Variants in SCN8A observed in about 807,000 individuals in gnomAD.
SCN8A encodes the protein sodium voltage-gated channel alpha subunit 8.
In SCN8A, 30 loss-of-function variants were observed where a neutral mutation model predicts 184.1. That is an observed-to-expected ratio of 0.16 (90% CI 0.12 to 0.22). SCN8A has a LOEUF of 0.22. SCN8A is among the 10% of genes least tolerant of loss of function. The pLI is 1.00. For missense variants in SCN8A, 1,057 were observed against 2,498.9 expected (o/e 0.42, Z 12.30); for synonymous variants, 852 against 907.0 (o/e 0.94, Z 1.09).
At chr12:51,620,573 A>G (rs1200420829) in intron 1 of SCN8A, among the ~76,000 whole-genome samples, 2 of 152,138 alleles carry the variant, frequency 1.3e-5, no homozygotes, top group African/African-American at 4.8e-5. Context: ...AGAAAGAAAA[A>G]CAGCTAACTT....
chr12:51,657,021 GAATTGAAAATAGGTACTAA>G (rs1163424984), intron 1 of SCN8A, among the ~76,000 whole-genome samples: 2 of 152,016 alleles, frequency 1.3e-5, no homozygotes, highest in Non-Finnish European at 2.9e-5. Context: ...AGACTCAAAG[GAATTGAAAATAGGTACTAA>G]AATAAGTACA....
Position 51,808,601 on chromosome 12 carries a change from T to A in SCN8A, c.*1172T>A, listed in dbSNP as rs1938790705. The A allele has an allele frequency of 6.6e-6, 1 of 152,316 alleles. No individual in the cohort carries two copies. The highest frequency in any genetic ancestry group is 2.4e-5 in the African/African-American group (1 of 41,458). The allele number at this position is 152,316 out of a possible 1,614,324, so 9.4% of individuals were successfully genotyped here. A position where few individuals can be genotyped will look rare whatever the true frequency, so the allele number is the denominator to read the frequency against. ...AATTGACACTTATTTGGGGTAGAGA[T>A]AAAAGTGCTTTTCAAAGTAGCACCA... is the stretch of plus-strand genomic sequence containing the variant. On this transcript the variant is annotated 3_prime_UTR_variant, in exon 27 of 27. Coordinates refer to ENST00000627620, the MANE Select transcript of SCN8A (RefSeq NM_001330260.2).
chr12:51,771,178 C>A (rs1161500259), intron 19 of SCN8A, among the ~76,000 whole-genome samples: 1 of 152,208 alleles, frequency 6.6e-6, no homozygotes, highest in Admixed American at 6.5e-5. Flanking sequence ...AGGCCCTGAA[C>A]ACACAGGCTC....
At chr12:51,615,529 G>A (rs921270426) in intron 1 of SCN8A, among the ~76,000 whole-genome samples, 1 of 152,096 alleles carries the variant, frequency 6.6e-6, no homozygotes, top group Non-Finnish European at 1.5e-5. Context: ...TTCCAGCTAC[G>A]GCAGCAGGGT....
chr12:51,734,284 A>G (rs1354501696), intron 12 of SCN8A, among the ~76,000 whole-genome samples: 4 of 152,222 alleles, frequency 2.6e-5, no homozygotes, highest in African/African-American at 9.6e-5. Context: ...AGAGGTGTGA[A>G]GTGGGAAATC....
chr12:51,661,958 C>T (rs1429765299), intron 1 of SCN8A, among the ~76,000 whole-genome samples: 3 of 152,234 alleles, frequency 2.0e-5, no homozygotes, highest in African/African-American at 2.4e-5. Flanking sequence ...ACTGTTCTCA[C>T]GTCTCCGTCC....
chr12:51,675,107 T>C (rs1042435040), intron 2 of SCN8A, among the ~76,000 whole-genome samples: 1 of 152,188 alleles, frequency 6.6e-6, no homozygotes, highest in Non-Finnish European at 1.5e-5. Context: ...CTGTGCACTT[T>C]AAGAGGTTAA....
At chr12:51,745,760 A>G in intron 12 of SCN8A, 143 bp from the exon 13 acceptor site, 1 of 530,740 alleles carries the variant, frequency 1.9e-6, no homozygotes, top group Non-Finnish European at 3.0e-6. Flanking sequence ...ATTTCATTCT[A>G]CTTCTTGAAG....
chr12:51,754,280 T>G (rs1942638860), intron 14 of SCN8A, among the ~76,000 whole-genome samples: 1 of 152,018 alleles, frequency 6.6e-6, no homozygotes, highest in Admixed American at 6.6e-5. Context: ...TTTTAAACAT[T>G]CTGAATCTTA....
In SCN8A at chr12:51,705,617, G is replaced by A. The variant is rs576113589; in HGVS notation, c.1335G>A (p.Glu445=). The change falls in exon 10 of 27, where the codon GAG becomes GAA. Residue 445 remains glutamate (E), a synonymous_variant. Coordinates refer to ENST00000627620, the MANE Select transcript of SCN8A (RefSeq NM_001330260.2). ...MLEQLKKQQE[E]AQAAAMATSA... ...AGCAACTTAAGAAGCAACAGGAAGAGGCACAGGTTGGTGATGAATTCTTTG... is the reference window on the plus strand; with the variant it reads ...AGCAACTTAAGAAGCAACAGGAAGAAGCACAGGTTGGTGATGAATTCTTTG... The A allele has an allele frequency of 3.2e-5, 52 of 1,612,406 alleles. No homozygotes were observed. The highest frequency in any genetic ancestry group is 1.3e-4 in the African/African-American group (10 of 75,036).
At position 51,770,696 on chromosome 12, in the gene SCN8A, G is replaced by A; in HGVS notation, c.3645+13G>A. 3 of 1,613,206 alleles carry A rather than the reference G, an allele frequency of 1.9e-6. No homozygotes were observed. Among genetic ancestry groups the A allele is most frequent in the Middle Eastern group, 1.7e-4 (1 of 6,058 alleles). On this transcript the variant is annotated intron_variant, in intron 19 of 26. Coordinates refer to ENST00000627620, the MANE Select transcript of SCN8A (RefSeq NM_001330260.2). ...CAGTGGCGCCCTGGTGAGGTCCAGG[G>A]GAGAGTGTGAGGAGGGATTGGCTGG...
chr12:51,634,361 A>G (rs1940266612), intron 1 of SCN8A, among the ~76,000 whole-genome samples: 1 of 152,318 alleles, frequency 6.6e-6, no homozygotes, highest in East Asian at 1.9e-4. Context: ...GAGGAATTGT[A>G]TGGAAAAGAA....
Position 51,784,725 on chromosome 12 carries a change from A to G in SCN8A, c.3943-1817A>G, listed in dbSNP as rs1053163114. Among the ~76,000 whole-genome samples the G allele has an allele frequency of 1.1e-4, 17 of 152,346 alleles. 1 individual carries two copies. Among genetic ancestry groups the G allele is most frequent in the Admixed American group, 7.8e-4 (12 of 15,312 alleles). On this transcript the variant is annotated intron_variant, in intron 21 of 26. Transcript: ENST00000627620. ...TGGATCAATATGTAAAATTTTCTAT[A>G]TACTTTATGAGAATAAAAGTTCAAA...
At chr12:51,627,939 C>A (rs1465262079) in intron 1 of SCN8A, among the ~76,000 whole-genome samples, 1 of 152,186 alleles carries the variant, frequency 6.6e-6, no homozygotes, top group Non-Finnish European at 1.5e-5. Context: ...TTCATTGATA[C>A]TTGTTGAATG....
chr12:51,713,486 T>C (rs2138764620), intron 11 of SCN8A: 1 of 767,424 alleles, frequency 1.3e-6, no homozygotes, highest in Non-Finnish European at 2.4e-6. Flanking sequence ...AAGTTCAGAC[T>C]ACCAATAAAC....
rs1200244325 is a variant in SCN8A, at chr12:51,649,762, G to T, written c.-54-13002G>T. On this transcript the variant is annotated intron_variant, in intron 1 of 26. Transcript: ENST00000627620. The stretch of plus-strand genomic sequence containing the variant: ...CTCTGGGCCTGTGATGGGAGGGGCT[G>T]CTATGAAGAACTCTGACATGCCCTG... Among the ~76,000 whole-genome samples, 4 of 152,208 alleles carry T rather than the reference G, an allele frequency of 2.6e-5. No homozygotes were observed. In the East Asian group the frequency reaches 5.8e-4, roughly 22 times the overall value.
At chr12:51,791,979 C>T (rs755090424) in intron 25 of SCN8A, among the ~76,000 whole-genome samples, 5 of 152,066 alleles carry the variant, frequency 3.3e-5, no homozygotes, top group Non-Finnish European at 5.9e-5. Flanking sequence ...TACTATGTAC[C>T]GTGCACTAAG....
At chr12:51,794,013 G>T (rs565706805) in intron 25 of SCN8A, among the ~76,000 whole-genome samples, 1 of 152,196 alleles carries the variant, frequency 6.6e-6, no homozygotes, top group South Asian at 2.1e-4. Flanking sequence ...GGACGTGGTG[G>T]TGTGTGCCTG....
chr12:51,686,550 A>C, intron 4 of SCN8A, 93 bp downstream of exon 4: 2 of 800,388 alleles, frequency 2.5e-6, no homozygotes, highest in East Asian at 2.7e-5. Context: ...AAGGAGAAAA[A>C]AAATTAGTTA....
Sources: allele counts gnomAD v4.1 joint callset (sites outside exome capture counted in the v4.1 genomes callset), GRCh38; gene constraint gnomAD v4.1.1; transcripts MANE v1.5; gene names NCBI Gene and HGNC (gene_info 2026-07-23, HGNC 2026-07-21).